The following USP6 variants were observed in gnomAD, a reference collection of about 807,000 sequenced individuals.
USP6 encodes ubiquitin carboxyl-terminal hydrolase 6.
USP6 carries 128 observed loss-of-function variants against 175.7 expected under a neutral mutation model. The ratio of observed to expected loss-of-function variants is 0.73; its 90% confidence interval spans 0.63 to 0.84. USP6 has a LOEUF of 0.84. Among genes scored for constraint, USP6 ranks in the 40% least tolerant of loss-of-function variants. USP6 has a pLI of 0.00. For synonymous variants in USP6, 562 were observed against 630.6 expected, an observed-to-expected ratio of 0.89 and a Z score of 1.63; for missense variants, 1,498 against 1,760.3, an observed-to-expected ratio of 0.85 and a Z score of 2.67.
chr17:5,164,721 G>C (rs1346239570), intron 33 of USP6, among the ~76,000 whole-genome samples: 1 of 152,200 alleles, frequency 6.6e-6, no homozygotes, highest in Non-Finnish European at 1.5e-5. Context: ...ATGCCTAATC[G>C]GGGCTCCACT....
At chr17:5,171,329 G>T (rs568564387) in intron 36 of USP6, among the ~76,000 whole-genome samples, 1 of 152,136 alleles carries the variant, frequency 6.6e-6, no homozygotes, top group South Asian at 2.1e-4. Flanking sequence ...GATAGAGCAA[G>T]CCCCTGTCTC....
intron 7 of USP6, among the ~76,000 whole-genome samples, chr17:5,128,117 C>T (rs1189920411): frequency 6.6e-6 from 1 of 152,210 alleles, no homozygotes; most frequent in Non-Finnish European, 1.5e-5. Context: ...CACAGGCAGA[C>T]TAAGCCCAGG....
intron 33 of USP6, among the ~76,000 whole-genome samples, chr17:5,166,697 T>C (rs1313669974): frequency 6.6e-6 from 1 of 151,960 alleles, no homozygotes; most frequent in East Asian, 1.9e-4. Flanking sequence ...TCCCATACAT[T>C]AGAGGGACAA....
At chr17:5,128,059 TG>T (rs1282243353) in intron 7 of USP6, among the ~76,000 whole-genome samples, 1 of 152,214 alleles carries the variant, frequency 6.6e-6, no homozygotes, top group African/African-American at 2.4e-5. Flanking sequence ...GACCCTGCAC[TG>T]GGCATCTGGA....
chr17:5,168,855 C>T lies in USP6; in HGVS notation c.3317C>T (p.Pro1106Leu), dbSNP rs376620976. 37 of 1,612,656 alleles carry T rather than the reference C, an allele frequency of 2.3e-5. No homozygotes were observed. The highest frequency in any genetic ancestry group is 4.5e-5 in the East Asian group (2 of 44,878). ...AGATTTCTTCGGGAAAGTTTTGATCCGAGTGCTTTTTTGGTACCACGAGAC... is the reference window on the plus strand; with the variant it reads ...AGATTTCTTCGGGAAAGTTTTGATCTGAGTGCTTTTTTGGTACCACGAGAC... Reference protein sequence around the residue: ...IVRFLRESFDPSAFLVPRDPA... With the variant: ...IVRFLRESFDLSAFLVPRDPA... Residue 1106 changes from proline (P) to leucine (L), a missense_variant, in exon 35 of 38, where the codon CCG becomes CTG. By Grantham distance (98) the Pro-to-Leu change is moderately conservative. Around this residue, in one of 2 missense-constraint regions of USP6, gnomAD observed 1,217 missense variants for 1,500.8 expected, o/e 0.81. Coordinates refer to ENST00000574788, the MANE Select transcript of USP6 (RefSeq NM_001304284.2).
At chr17:5,130,970 G>C (rs1011492308) in intron 11 of USP6, among the ~76,000 whole-genome samples, 1 of 152,226 alleles carries the variant, frequency 6.6e-6, no homozygotes. Flanking sequence ...CAAGAGGAGC[G>C]GGGCAGCCTG....
intron 35 of USP6, among the ~76,000 whole-genome samples, chr17:5,169,489 G>A (rs536518008): frequency 6.6e-6 from 1 of 152,250 alleles, no homozygotes; most frequent in East Asian, 1.9e-4. Context: ...AGGCTGGAGT[G>A]CAGTGGTGCA....
intron 23 of USP6, 120 bp from the exon 24 acceptor site, chr17:5,141,883 A>T (rs2073457313): frequency 6.9e-7 from 1 of 1,440,204 alleles, no homozygotes; most frequent in Admixed American, 2.6e-5. Context: ...CTAGAGAATT[A>T]TTAGCACCAT....
chr17:5,158,708 C>G (rs1390559561), intron 31 of USP6, among the ~76,000 whole-genome samples: 1 of 131,006 alleles, frequency 7.6e-6, no homozygotes, highest in African/African-American at 3.0e-5. Flanking sequence ...AGAAGAAAAC[C>G]AGGAGTTAAG....
intron 2 of USP6, among the ~76,000 whole-genome samples, 151 bp downstream of exon 2, chr17:5,118,441 G>A (rs1246559063): frequency 6.6e-6 from 1 of 152,248 alleles, no homozygotes; most frequent in East Asian, 1.9e-4. Context: ...CTCCATTTGG[G>A]GTCTGCGGTG....
In USP6 at chr17:5,138,214, A is replaced by G. The variant is rs368410662; in HGVS notation, c.1019A>G (p.Lys340Arg). 43 of 1,613,972 alleles carry G rather than the reference A, an allele frequency of 2.7e-5. No homozygotes were observed. In the African/African-American group the frequency reaches 5.5e-4, roughly 21 times the overall value. Residue 340 changes from lysine (K) to arginine (R), a missense_variant, in exon 21 of 38, where the codon AAG becomes AGG. Physicochemically the swap from Lys to Arg is conservative, Grantham distance 26. Coordinates refer to ENST00000574788, the MANE Select transcript of USP6 (RefSeq NM_001304284.2). ...GCCATGAACGATGACACCGTGCTCA[A>G]GCATCTTAGGGCCTCTACGAAGAAA... Reference protein sequence around the residue: ...TWAMNDDTVLKHLRASTKKLT... With the variant: ...TWAMNDDTVLRHLRASTKKLT...
At chr17:5,150,298 AT>A (rs1398424168) in intron 30 of USP6, among the ~76,000 whole-genome samples, 67 of 96,200 alleles carry the variant, frequency 7.0e-4, no homozygotes, top group African/African-American at 1.4e-3. Flanking sequence ...GTCTAAAAAA[AT>A]AAATAAATAA....
chr17:5,155,661 T>A, intron 31 of USP6, 55 bp downstream of exon 31: 8 of 1,549,606 alleles, frequency 5.2e-6, no homozygotes, highest in Non-Finnish European at 7.0e-6. Context: ...GAAAAATAAT[T>A]TATATGAATT....
At chr17:5,151,484 G>A (rs1671016421) in intron 30 of USP6, among the ~76,000 whole-genome samples, 1 of 151,418 alleles carries the variant, frequency 6.6e-6, no homozygotes, top group African/African-American at 2.4e-5. Flanking sequence ...GAGTTGATAA[G>A]CTGATTCTCA....
chr17:5,138,164 G>T lies in USP6; in HGVS notation c.969G>T (p.Leu323=). The change falls in exon 21 of 38, where the codon CTG becomes CTT. Residue 323 remains leucine, a synonymous_variant. Coordinates refer to ENST00000574788, the MANE Select transcript of USP6 (RefSeq NM_001304284.2). ...CCAGGTGTGGCCTGTGGGCACGTCT[G>T]CGGAACCAATTCTTCGATACCTGGG... ...KTSRCGLWAR[L]RNQFFDTWAM... The T allele has an allele frequency of 1.9e-6, 3 of 1,614,092 alleles. No individual in the cohort carries two copies. The highest frequency in any genetic ancestry group is 2.5e-6 in the Non-Finnish European group (3 of 1,179,988).
chr17:5,144,591 A>G, intron 25 of USP6, 99 bp from the exon 26 acceptor site: 1 of 1,376,200 alleles, frequency 7.3e-7, no homozygotes, highest in East Asian at 2.3e-5. Context: ...GTACTATACT[A>G]TTTATTTTCT....
chr17:5,144,398 G>A (rs2073547596), intron 25 of USP6, among the ~76,000 whole-genome samples: 1 of 151,964 alleles, frequency 6.6e-6, no homozygotes, highest in Non-Finnish European at 1.5e-5. Flanking sequence ...AGCAAATGCT[G>A]TTTTAATATT....
intron 34 of USP6, 29 bp from the exon 35 acceptor site, chr17:5,168,738 T>C (rs759929891): frequency 4.6e-6 from 7 of 1,535,928 alleles, no homozygotes; most frequent in Non-Finnish European, 6.1e-6. Flanking sequence ...AACCCTTTAA[T>C]GCGATGTTTT....
Position 5,173,607 on chromosome 17 carries a change from C to G in USP6, c.*629C>G, listed in dbSNP as rs1479611190. 4.6e-6 allele frequency: 1 copy of G among 219,614 alleles called. No individual in the cohort carries two copies. The highest frequency in any genetic ancestry group is 9.1e-6 in the Non-Finnish European group (1 of 109,322). 13.6% of individuals were successfully genotyped at this position (219,614 alleles called of 1,614,324 possible). A position where few individuals can be genotyped will look rare whatever the true frequency, so the allele number is the denominator to read the frequency against. ...ATTGGTGGCAGGGGCATAGAGTGGT[C>G]AGTCTGAAAGGGAGGCTCTCTTAAG... On this transcript the variant is annotated 3_prime_UTR_variant, in exon 38 of 38. Coordinates refer to ENST00000574788, the MANE Select transcript of USP6 (RefSeq NM_001304284.2).
Sources: gnomAD v4.1 joint callset for allele counts (sites outside exome capture counted in the v4.1 genomes callset) on GRCh38, gnomAD v4.1.1 for gene constraint, gnomAD v4.1.1 regional missense constraint, MANE v1.5 for transcripts, NCBI Gene and HGNC (gene_info 2026-07-23, HGNC 2026-07-21) for gene names.